ULK4: variants seen among roughly 807,000 people sequenced by gnomAD.
ULK4 encodes unc-51 like kinase 4, also known as inactive serine/threonine-protein kinase ULK4.
Under a neutral mutation model 160.6 loss-of-function variants are expected in ULK4, and 133 were observed. That is an observed-to-expected ratio of 0.83 (90% confidence interval 0.72 to 0.96). ULK4 has a LOEUF of 0.96. Among genes scored for constraint, ULK4 ranks in the 40% least tolerant of loss-of-function variants. The pLI, the probability that ULK4 is intolerant of heterozygous loss-of-function variation, is 0.00. For missense variants in ULK4, 1,580 were observed against 1,499.5 expected (o/e 1.05, Z -0.89); for synonymous variants, 534 against 539.8 (o/e 0.99, Z 0.15).
chr3:41,762,640 C>T (rs1186160605), intron 21 of ULK4, among the ~76,000 whole-genome samples: 3 of 149,050 alleles, frequency 2.0e-5, no homozygotes, highest in African/African-American at 7.4e-5. Context: ...AGCAAGAGAG[C>T]CAGGAAGTGT....
At chr3:41,923,749 G>T (rs1380010715) in intron 5 of ULK4, among the ~76,000 whole-genome samples, 1 of 152,226 alleles carries the variant, frequency 6.6e-6, no homozygotes. Flanking sequence ...GGACCAGACC[G>T]TGGAACCTGA....
chr3:41,478,689 A>C (rs2084217164), intron 32 of ULK4, among the ~76,000 whole-genome samples: 1 of 152,220 alleles, frequency 6.6e-6, no homozygotes, highest in Non-Finnish European at 1.5e-5. Context: ...GGAGAAGTTT[A>C]ACCCTTGAGG....
intron 25 of ULK4, among the ~76,000 whole-genome samples, chr3:41,707,263 A>G (rs1326633365): frequency 1.3e-5 from 2 of 152,186 alleles, no homozygotes; most frequent in African/African-American, 4.8e-5. Context: ...TTGCAAAACA[A>G]CTAGAGAAAA....
At chr3:41,897,535 C>T (rs1698203908) in intron 14 of ULK4, among the ~76,000 whole-genome samples, 1 of 152,136 alleles carries the variant, frequency 6.6e-6, no homozygotes, top group African/African-American at 2.4e-5. Context: ...ATATTTTTGG[C>T]TGATCTCTAT....
intron 25 of ULK4, among the ~76,000 whole-genome samples, chr3:41,708,109 C>A (rs2036967722): frequency 6.6e-6 from 1 of 151,284 alleles, no homozygotes; most frequent in African/African-American, 2.4e-5. Flanking sequence ...TATGAAAATT[C>A]TTCAAAAAAA....
At chr3:41,628,898 G>A (rs2033634774) in intron 30 of ULK4, among the ~76,000 whole-genome samples, 1 of 152,154 alleles carries the variant, frequency 6.6e-6, no homozygotes, top group African/African-American at 2.4e-5. Context: ...AATGACTTCT[G>A]ATTTATTTGA....
At chr3:41,334,424 T>C (rs2080510995) in intron 35 of ULK4, among the ~76,000 whole-genome samples, 1 of 152,162 alleles carries the variant, frequency 6.6e-6, no homozygotes, top group African/African-American at 2.4e-5. Flanking sequence ...TTCTTCCAGC[T>C]CTAAATTTAT....
intron 35 of ULK4, among the ~76,000 whole-genome samples, chr3:41,342,285 G>A (rs1211808434): frequency 6.6e-6 from 1 of 152,210 alleles, no homozygotes; most frequent in Non-Finnish European, 1.5e-5. Context: ...TCAGAATGGA[G>A]AGGAAAAGGG....
At chr3:41,717,971 T>A (rs966264650) in intron 22 of ULK4, 110 bp from the exon 23 acceptor site, 2 of 1,299,320 alleles carry the variant, frequency 1.5e-6, no homozygotes, top group East Asian at 4.7e-5. Flanking sequence ...CCCAATCATA[T>A]TGACGTTTAG....
intron 34 of ULK4, among the ~76,000 whole-genome samples, chr3:41,421,953 G>T (rs956986620): frequency 6.6e-6 from 1 of 151,864 alleles, no homozygotes; most frequent in Non-Finnish European, 1.5e-5. Flanking sequence ...TTTGTTGTTT[G>T]TTTTTTCATA....
chr3:41,480,206 C>CAAAAA (rs60805184), intron 32 of ULK4, among the ~76,000 whole-genome samples: 8 of 97,174 alleles, frequency 8.2e-5, no homozygotes, highest in East Asian at 6.6e-4. Context: ...GACTCCGTAT[C>CAAAAA]AAAAAAAAAA....
chr3:41,289,725 G>A (rs1007638967), intron 35 of ULK4, among the ~76,000 whole-genome samples: 6 of 152,170 alleles, frequency 3.9e-5, no homozygotes, highest in Admixed American at 6.5e-5. Context: ...CTCAGCACTA[G>A]AGGGGAGAAG....
intron 31 of ULK4, among the ~76,000 whole-genome samples, chr3:41,612,466 C>T (rs1575482816): frequency 6.6e-6 from 1 of 152,190 alleles, no homozygotes; most frequent in Non-Finnish European, 1.5e-5. Flanking sequence ...ACATCACTCT[C>T]TCCCTGCAAC....
chr3:41,862,063 C>T (rs2042510132), intron 17 of ULK4, among the ~76,000 whole-genome samples: 1 of 152,090 alleles, frequency 6.6e-6, no homozygotes, highest in African/African-American at 2.4e-5. Context: ...CCACCCTCAG[C>T]CTCCCTAAGT....
chr3:41,713,045 A>G (rs1342115204), intron 25 of ULK4, among the ~76,000 whole-genome samples: 1 of 151,978 alleles, frequency 6.6e-6, no homozygotes, highest in Non-Finnish European at 1.5e-5. Flanking sequence ...GGGCTACAGA[A>G]CGTTCATAAC....
intron 36 of ULK4, among the ~76,000 whole-genome samples, chr3:41,248,942 C>G (rs934311204): frequency 2.0e-5 from 3 of 152,338 alleles, no homozygotes; most frequent in African/African-American, 7.2e-5. Flanking sequence ...TAGCCTAACC[C>G]CATGCTGTCA....
At chr3:41,918,694 T>C (rs1005641836) in intron 6 of ULK4, among the ~76,000 whole-genome samples, 154 bp from the exon 7 acceptor site, 10 of 140,758 alleles carry the variant, frequency 7.1e-5, no homozygotes, top group East Asian at 6.8e-4. Context: ...CTCCGCCTCC[T>C]GGGTTCAGGC....
rs114580277 is a variant in ULK4 at position 41,745,455 on chromosome 3, A to G, written c.2321+8906T>C. ...TAAACTACCAAAACTTGACCTAGTA[A>G]AATTTTAAAATATGCATGGCCTTGC... On this transcript the variant is annotated intron_variant, in intron 22 of 36. Coordinates refer to ENST00000301831, the MANE Select transcript of ULK4 (RefSeq NM_017886.4). Among the ~76,000 whole-genome samples, 1,221 of 151,892 alleles carry G rather than the reference A, an allele frequency of 8.0e-3. 45 individuals carry two copies. Among genetic ancestry groups the G allele is most frequent in the African/African-American group, 0.028 (1,163 of 41,336 alleles).
intron 32 of ULK4, among the ~76,000 whole-genome samples, chr3:41,534,731 G>C (rs992981517): frequency 6.6e-6 from 1 of 151,970 alleles, no homozygotes; most frequent in Non-Finnish European, 1.5e-5. Flanking sequence ...ATACTACTAA[G>C]AAAGAAAACA....
Sources: allele counts gnomAD v4.1 joint callset (sites outside exome capture counted in the v4.1 genomes callset), GRCh38; gene constraint gnomAD v4.1.1; transcripts MANE v1.5; gene names NCBI Gene and HGNC (gene_info 2026-07-23, HGNC 2026-07-21).